The following DUSP16 variants were observed in gnomAD, a reference collection of about 807,000 sequenced individuals.
The protein encoded by DUSP16 is dual specificity protein phosphatase 16.
Under a neutral mutation model 58.3 loss-of-function variants are expected in DUSP16, and 21 were observed. That is an observed-to-expected ratio of 0.36 (90% CI 0.26 to 0.52). The LOEUF (loss-of-function observed/expected upper bound fraction) is 0.52, where lower values mean the gene tolerates loss of function less well. Ranked by LOEUF, DUSP16 falls within the 20% of genes least tolerant of loss-of-function variation. The probability of loss-of-function intolerance (pLI) is 0.94; values close to 1 mark genes in which losing one functional copy is unlikely to be tolerated. For synonymous variants in DUSP16, 320 were observed against 323.8 expected, an observed-to-expected ratio of 0.99 and a Z score of 0.12; for missense variants, 726 against 819.0, an observed-to-expected ratio of 0.89 and a Z score of 1.39.
At chr12:12,515,127 ATTAT>A (rs1380361541) in intron 3 of DUSP16, among the ~76,000 whole-genome samples, 1 of 152,094 alleles carries the variant, frequency 6.6e-6, no homozygotes, top group African/African-American at 2.4e-5. Flanking sequence ...TATAATTCTA[ATTAT>A]TTAATATACT....
chr12:12,528,194 G>A (rs1944332649), intron 1 of DUSP16, among the ~76,000 whole-genome samples: 2 of 151,800 alleles, frequency 1.3e-5, no homozygotes, highest in Admixed American at 1.3e-4. Context: ...CTTTCCCTCT[G>A]CCACCCATGT....
At chr12:12,533,706 T>C (rs1284468391) in intron 1 of DUSP16, among the ~76,000 whole-genome samples, 4 of 152,072 alleles carry the variant, frequency 2.6e-5, no homozygotes, top group Non-Finnish European at 5.9e-5. Context: ...TAGAGACAAG[T>C]GAGGTTATTG....
intron 1 of DUSP16, among the ~76,000 whole-genome samples, chr12:12,540,964 T>C (rs1944549174): frequency 8.2e-6 from 1 of 121,522 alleles, no homozygotes; most frequent in Non-Finnish European, 1.8e-5. Flanking sequence ...TTTTTTTTTT[T>C]TTTTTTTTTG....
At chr12:12,526,916 C>T (rs964875284) in intron 1 of DUSP16, among the ~76,000 whole-genome samples, 1 of 152,318 alleles carries the variant, frequency 6.6e-6, no homozygotes, top group East Asian at 1.9e-4. Context: ...TGCATCAAGG[C>T]CCACAGCAGG....
intron 1 of DUSP16, among the ~76,000 whole-genome samples, chr12:12,541,599 T>TC (rs1164908576): frequency 6.6e-6 from 1 of 152,234 alleles, no homozygotes; most frequent in Non-Finnish European, 1.5e-5. Context: ...CCCATGGTCT[T>TC]CAAGCTTTTC....
In DUSP16 at chr12:12,482,281, TAAA is replaced by T. The variant is rs530289119; in HGVS notation, c.692-1938_692-1936del. Reference sequence around the variant, plus strand: ...TACATATTTTCAAAAGAGATTTTAATAAAAAAAGAAGAAGGCTGGAAGGAAATA... The same window carrying T: ...TACATATTTTCAAAAGAGATTTTAATAAAAGAAGAAGGCTGGAAGGAAATA... On this transcript the variant is annotated intron_variant, in intron 5 of 6. Coordinates refer to ENST00000298573, the MANE Select transcript of DUSP16 (RefSeq NM_030640.3). Among the ~76,000 whole-genome samples the T allele has an allele frequency of 3.3e-5, 5 of 152,226 alleles. No homozygotes were observed. The South Asian group carries it at 8.3e-4, about 25-fold the overall frequency.
In DUSP16 at chr12:12,478,769, C is replaced by G. The variant is rs547548839; in HGVS notation, c.816-754G>C. 5.3e-5 allele frequency among the ~76,000 whole-genome samples: 8 copies of G among 152,362 alleles called. No individual in the cohort carries two copies. The East Asian group carries it at 1.5e-3, about 29-fold the overall frequency. ...CATCCCCTCTTAAAGTCACCAGTCA[C>G]TTCTCAAGACAGTTCACATTTTAAA... On this transcript the variant is annotated intron_variant, in intron 6 of 6. Coordinates refer to ENST00000298573, the MANE Select transcript of DUSP16 (RefSeq NM_030640.3).
Position 12,528,066 on chromosome 12 carries a change from A to T in DUSP16, c.-365-6603T>A, listed in dbSNP as rs539449966. Among the ~76,000 whole-genome samples, 3 of 152,336 alleles carry T rather than the reference A, an allele frequency of 2.0e-5. No homozygotes were observed. In the East Asian group the frequency reaches 5.8e-4, roughly 29 times the overall value. ...AGCACTCCCCTCCTGGTATTGGCTC[A>T]ATCAGAGCTCTTGTCTTTTTCTTAG... On this transcript the variant is annotated intron_variant, in intron 1 of 6. Coordinates refer to ENST00000298573, the MANE Select transcript of DUSP16 (RefSeq NM_030640.3).
At chr12:12,480,550 G>A (rs1212932861) in intron 5 of DUSP16, among the ~76,000 whole-genome samples, 2 of 152,110 alleles carry the variant, frequency 1.3e-5, no homozygotes, top group Admixed American at 1.3e-4. Context: ...GACAACTGGG[G>A]TCCAAAACTG....
chr12:12,509,859 G>A (rs902606169), intron 3 of DUSP16, among the ~76,000 whole-genome samples: 1 of 152,060 alleles, frequency 6.6e-6, no homozygotes, highest in African/African-American at 2.4e-5. Flanking sequence ...GGTGTGGGTG[G>A]GGGCACAAAA....
At chr12:12,513,827 C>T (rs1048025124) in intron 3 of DUSP16, among the ~76,000 whole-genome samples, 2 of 152,066 alleles carry the variant, frequency 1.3e-5, no homozygotes, top group Non-Finnish European at 2.9e-5. Context: ...AATAAAAGCC[C>T]AAATTCAATA....
At chr12:12,525,216 T>C (rs1349659227) in intron 1 of DUSP16, among the ~76,000 whole-genome samples, 2 of 152,238 alleles carry the variant, frequency 1.3e-5, no homozygotes, top group African/African-American at 4.8e-5. Context: ...TCAATCTATA[T>C]TTCCATGGGC....
At chr12:12,489,187 T>A (rs2136200029) in intron 4 of DUSP16, among the ~76,000 whole-genome samples, 1 of 152,268 alleles carries the variant, frequency 6.6e-6, no homozygotes, top group Non-Finnish European at 1.5e-5. Context: ...TGGAACTAGG[T>A]GGATTTCTTA....
intron 1 of DUSP16, among the ~76,000 whole-genome samples, chr12:12,540,944 CTTTTCTTTTTTTTTTTT>C (rs1343289017): frequency 2.1e-3 from 213 of 100,644 alleles, no homozygotes; most frequent in African/African-American, 7.9e-3. Flanking sequence ...CTTTTCTTTT[CTTTTCTTTTTTTTTTTT>C]TTTTTTTTTT....
At position 12,478,002 on chromosome 12, in the gene DUSP16, T is replaced by C; in HGVS notation, c.829A>G (p.Lys277Glu). The C allele has an allele frequency of 6.3e-7, 1 of 1,578,392 alleles. No homozygotes were observed. The change falls in exon 7 of 7, where the codon AAA (lysine) becomes GAA (glutamate). Residue 277 changes from lysine (K) to glutamate (E), a missense_variant. Transcript: ENST00000298573. ...LDEAYRFVKEKRPTISPNFNF... is the reference protein window; with the variant it reads ...LDEAYRFVKEERPTISPNFNF... Reference sequence around the variant, plus strand: ...AAGTTTGGAGATATAGTAGGTCTTTTTTCTTTCACAAATCTGCAGAGAGAG... The same window carrying C: ...AAGTTTGGAGATATAGTAGGTCTTTCTTCTTTCACAAATCTGCAGAGAGAG...
chr12:12,507,538 C>A (rs1188779746), intron 3 of DUSP16, among the ~76,000 whole-genome samples: 1 of 152,180 alleles, frequency 6.6e-6, no homozygotes, highest in African/African-American at 2.4e-5. Flanking sequence ...GCAAATTTAA[C>A]TTTTGTATTT....
intron 6 of DUSP16, among the ~76,000 whole-genome samples, chr12:12,479,382 T>G (rs989785157): frequency 2.6e-5 from 4 of 152,174 alleles, no homozygotes; most frequent in African/African-American, 9.7e-5. Flanking sequence ...ATAATGAGAC[T>G]TCATAACGTG....
intron 3 of DUSP16, among the ~76,000 whole-genome samples, chr12:12,510,948 C>T (rs1944068839): frequency 6.6e-6 from 1 of 152,172 alleles, no homozygotes; most frequent in Non-Finnish European, 1.5e-5. Flanking sequence ...CAACTGAGGA[C>T]TTAAAGTGGC....
chr12:12,515,893 A>G (rs1020626939), intron 3 of DUSP16, among the ~76,000 whole-genome samples: 2 of 152,018 alleles, frequency 1.3e-5, no homozygotes, highest in East Asian at 1.9e-4. Flanking sequence ...CTCCTGCCTC[A>G]GCCTCCTGAG....
Sources: allele counts gnomAD v4.1 joint callset (sites outside exome capture counted in the v4.1 genomes callset), GRCh38; gene constraint gnomAD v4.1.1; transcripts MANE v1.5; gene names NCBI Gene and HGNC (gene_info 2026-07-23, HGNC 2026-07-21).